The following SASH1 variants were observed in gnomAD, a reference collection of about 807,000 sequenced individuals.
The protein encoded by SASH1 is SAM and SH3 domain-containing protein 1.
SASH1 carries 44 observed loss-of-function variants against 125.2 expected under a neutral mutation model. The observed-to-expected ratio is 0.35, with a 90% CI of 0.28 to 0.45. The LOEUF is 0.45. Ranked by LOEUF, SASH1 falls within the 20% of genes least tolerant of loss-of-function variation. The pLI, the probability that SASH1 is intolerant of heterozygous loss-of-function variation, is 1.00. For synonymous variants in SASH1, 639 were observed against 649.1 expected, an observed-to-expected ratio of 0.98 and a Z score of 0.24; for missense variants, 1,426 against 1,614.5, an observed-to-expected ratio of 0.88 and a Z score of 2.00.
At chr6:148,508,759 AT>A (rs1269371543) in intron 8 of SASH1, 17 of 1,248,940 alleles carry the variant, frequency 1.4e-5, no homozygotes, top group Non-Finnish European at 1.8e-5. Flanking sequence ...CCTAATCTTA[AT>A]TTTGAGATTG....
At chr6:148,243,769 G>C in the SASH1 span, among the ~76,000 whole-genome samples, 1 of 151,686 alleles carries the variant, frequency 6.6e-6, no homozygotes. Context: ...TCATTATTGA[G>C]CTTTATAAAC....
intron 7 of SASH1, among the ~76,000 whole-genome samples, 157 bp downstream of exon 7, chr6:148,474,379 T>G (rs118186769): frequency 2.0e-3 from 299 of 152,278 alleles, no homozygotes; most frequent in Non-Finnish European, 3.6e-3. Flanking sequence ...CTTTGTGAGG[T>G]GAAACTTCTA....
chr6:148,363,252 G>C (rs138856567), intron 1 of SASH1, among the ~76,000 whole-genome samples: 2 of 152,214 alleles, frequency 1.3e-5, no homozygotes, highest in African/African-American at 4.8e-5. Context: ...TCTGGAGGAC[G>C]TGGCGGTGGA....
the SASH1 span, among the ~76,000 whole-genome samples, chr6:148,227,760 C>T: frequency 6.6e-6 from 1 of 152,176 alleles, no homozygotes; most frequent in Non-Finnish European, 1.5e-5. Context: ...TGAATATGTA[C>T]ATTCCTGTAT....
chr6:148,366,144 G>A (rs1782447064), intron 1 of SASH1, among the ~76,000 whole-genome samples: 1 of 151,866 alleles, frequency 6.6e-6, no homozygotes, highest in Non-Finnish European at 1.5e-5. Flanking sequence ...AATTAGCCAG[G>A]CATGGTAGCG....
chr6:148,224,352 A>C, the SASH1 span, among the ~76,000 whole-genome samples: 1 of 149,162 alleles, frequency 6.7e-6, no homozygotes, highest in Non-Finnish European at 1.5e-5. Context: ...ATCATTAGAG[A>C]GGCTTCCCCC....
At chr6:148,207,119 T>G in the SASH1 span, among the ~76,000 whole-genome samples, 7 of 152,154 alleles carry the variant, frequency 4.6e-5, no homozygotes, top group Admixed American at 2.6e-4. Flanking sequence ...ACATTGGGTT[T>G]TCCTGGGAAC....
intron 17 of SASH1, among the ~76,000 whole-genome samples, chr6:148,542,609 G>A (rs770626269): frequency 2.4e-4 from 36 of 152,106 alleles, no homozygotes; most frequent in Non-Finnish European, 4.4e-4. Flanking sequence ...GGATGGTCTC[G>A]ATCTCCTGAC....
chr6:148,221,091 T>A, the SASH1 span, among the ~76,000 whole-genome samples: 1 of 152,216 alleles, frequency 6.6e-6, no homozygotes, highest in Admixed American at 6.5e-5. Flanking sequence ...CATTCCATTT[T>A]TACATTTGCA....
At chr6:148,319,025 T>C (rs1225475094) in intron 1 of SASH1, among the ~76,000 whole-genome samples, 9 of 100,270 alleles carry the variant, frequency 9.0e-5, no homozygotes, top group African/African-American at 2.8e-4. Flanking sequence ...TTATCTTCTT[T>C]TTTTTTTTTT....
rs1235207761 is a variant in SASH1, at chr6:148,289,052, C to T, written n.74+16675C>T. ...TCTTGTTGCCCAGGCTGGAGTGCAG[C>T]GGCATGATCTTGGCTCTCCACAGGT... is the stretch of plus-strand genomic sequence containing the variant. On this transcript the variant is annotated intron_variant and non_coding_transcript_variant, in intron 1 of 3. Coordinates refer to the SASH1 transcript ENST00000367469. Among the ~76,000 whole-genome samples the T allele has an allele frequency of 4.0e-5, 6 of 151,688 alleles. No individual in the cohort carries two copies. In the South Asian group the frequency reaches 8.3e-4, roughly 21 times the overall value.
At chr6:148,316,325 C>T (rs1037462630) in intron 1 of SASH1, among the ~76,000 whole-genome samples, 15 of 152,142 alleles carry the variant, frequency 9.9e-5, no homozygotes, top group African/African-American at 3.4e-4. Context: ...CAGCGTGGGG[C>T]AGACTGGCCT....
chr6:148,240,183 G>A, the SASH1 span: 2 of 147,658 alleles, frequency 1.4e-5, no homozygotes, highest in Non-Finnish European at 3.0e-5. Context: ...TTTTTAACCT[G>A]AACCAGTGCC....
chr6:148,520,231 T>C (rs1780729405), intron 10 of SASH1: 2 of 248,520 alleles, frequency 8.0e-6, no homozygotes, highest in Admixed American at 1.0e-4. Flanking sequence ...ACCCAGCTAG[T>C]GCGGCCTGCC....
chr6:148,533,684 C>A lies in SASH1; in HGVS notation c.1735-87C>A. ...TCTGGCCTTTGTGGCATCTTCACTT[C>A]TGCATGACCTGTGTATCTGACAGAT... On this transcript the variant is annotated intron_variant, in intron 14 of 19. Transcript: ENST00000367467. This position sits in a 1 kb window ranked among gnomAD's most constrained non-coding sequence, Gnocchi z 6.2. The A allele has an allele frequency of 7.8e-7, 1 of 1,283,358 alleles. No homozygotes were observed. Among genetic ancestry groups the A allele is most frequent in the Non-Finnish European group, 1.1e-6 (1 of 910,220 alleles). 79.5% of individuals were successfully genotyped at this position (1,283,358 alleles called of 1,614,324 possible). A position where few individuals can be genotyped will look rare whatever the true frequency, so the allele number is the denominator to read the frequency against.
At chr6:148,505,257 C>G (rs1025620403) in intron 8 of SASH1, among the ~76,000 whole-genome samples, 4 of 152,216 alleles carry the variant, frequency 2.6e-5, no homozygotes, top group Admixed American at 6.5e-5. Context: ...CTGTCCAGAA[C>G]CAGCCTCAGA....
At chr6:148,253,398 T>C in the SASH1 span, among the ~76,000 whole-genome samples, 1 of 152,070 alleles carries the variant, frequency 6.6e-6, no homozygotes, top group African/African-American at 2.4e-5. Flanking sequence ...CCTTACACTA[T>C]ATACAAAAAC....
At chr6:148,459,368 G>A (rs181122087) in intron 4 of SASH1, among the ~76,000 whole-genome samples, 12 of 152,306 alleles carry the variant, frequency 7.9e-5, no homozygotes, top group Admixed American at 2.6e-4. Context: ...TAGTGAGGCC[G>A]TGGCCCAGAC....
chr6:148,341,231 C>T (rs1037318161), upstream of SASH1, among the ~76,000 whole-genome samples: 6 of 151,840 alleles, frequency 4.0e-5, no homozygotes, highest in Admixed American at 1.3e-4. Context: ...CTGTAACCTT[C>T]GCCTCCTGGG....
Sources: gnomAD v4.1 joint callset for allele counts (sites outside exome capture counted in the v4.1 genomes callset) on GRCh38, gnomAD v4.1.1 for gene constraint, Gnocchi (gnomAD v3.1) non-coding constraint, MANE v1.5 for transcripts, NCBI Gene and HGNC (gene_info 2026-07-23, HGNC 2026-07-21) for gene names.